The following FTO variants were observed in gnomAD, a reference collection of about 807,000 sequenced individuals.
FTO encodes FTO alpha-ketoglutarate dependent dioxygenase.
FTO carries 47 observed loss-of-function variants against 63.9 expected under a neutral mutation model. The ratio of observed to expected loss-of-function variants is 0.74; its 90% CI spans 0.58 to 0.94. FTO has a LOEUF of 0.94. Among genes scored for constraint, FTO ranks in the 40% least tolerant of loss-of-function variants. The pLI is 0.00. For missense variants in FTO, 562 were observed against 618.1 expected, an observed-to-expected ratio of 0.91 and a Z score of 0.96; for synonymous variants, 207 against 224.4, an observed-to-expected ratio of 0.92 and a Z score of 0.69.
chr16:54,030,434 A>G (rs189554293), intron 8 of FTO, among the ~76,000 whole-genome samples: 2 of 152,340 alleles, frequency 1.3e-5, no homozygotes, highest in Middle Eastern at 3.4e-3. Context: ...GGCAGCCCTT[A>G]TAGCTATATG....
chr16:54,062,874 T>C (rs2085617875), intron 8 of FTO, among the ~76,000 whole-genome samples: 1 of 151,860 alleles, frequency 6.6e-6, no homozygotes, highest in South Asian at 2.1e-4. Flanking sequence ...AAATAGATAG[T>C]CATGAAGGAT....
chr16:53,887,921 G>A (rs2081043524), intron 6 of FTO: 1 of 151,974 alleles, frequency 6.6e-6, no homozygotes, highest in African/African-American at 2.4e-5. Flanking sequence ...CCATGGGTAA[G>A]TTATTTTAAT....
rs538106047 is a variant in FTO, at chr16:54,071,811, C to T, written c.1365-39951C>T. The T allele has an allele frequency of 1.6e-4, 25 of 152,174 alleles. 1 individual carries two copies. The highest frequency in any genetic ancestry group is 5.3e-4 in the African/African-American group (22 of 41,502). The allele number at this position is 152,174 out of a possible 1,614,324, so 9.4% of individuals were successfully genotyped here. ...TGTAAACATGTTTGAGTAGAAGGCC[C>T]ACTGGAGAATTCCACTGCCTAAATG... is the stretch of plus-strand genomic sequence containing the variant. On this transcript the variant is annotated intron_variant, in intron 8 of 8. Transcript: ENST00000471389.
chr16:53,872,150 T>C lies in FTO; in HGVS notation c.896-1636T>C, dbSNP rs1459431362. Among the ~76,000 whole-genome samples, 3 of 152,190 alleles carry C rather than the reference T, an allele frequency of 2.0e-5. No homozygotes were observed. The East Asian group carries it at 5.8e-4, about 29-fold the overall frequency. On this transcript the variant is annotated intron_variant, in intron 4 of 8. Coordinates refer to ENST00000471389, the MANE Select transcript of FTO (RefSeq NM_001080432.3). ...GCTTTCCTAAGGATTTTCTAGTATC[T>C]CATGTAGTGGGAGCCATTTTGGCTG...
At chr16:53,925,069 TA>T (rs763272865) in intron 7 of FTO, among the ~76,000 whole-genome samples, 7,125 of 123,312 alleles carry the variant, frequency 0.058, 326 homozygotes, top group African/African-American at 0.15. Context: ...CTTTTTTTTG[TA>T]AAAAAAAAAA....
intron 7 of FTO, among the ~76,000 whole-genome samples, chr16:53,911,006 G>T (rs1445001235): frequency 6.6e-6 from 1 of 152,250 alleles, no homozygotes; most frequent in South Asian, 2.1e-4. Context: ...GGGCAAATGA[G>T]TTTGAGCAGC....
At chr16:54,077,326 C>A (rs1336905071) in intron 8 of FTO, among the ~76,000 whole-genome samples, 4 of 152,214 alleles carry the variant, frequency 2.6e-5, no homozygotes, top group Middle Eastern at 3.4e-3. Flanking sequence ...CTTTGGGGGC[C>A]CAGTAAACGC....
At chr16:53,783,569 C>T (rs1186048789) in intron 1 of FTO, among the ~76,000 whole-genome samples, 1 of 140,372 alleles carries the variant, frequency 7.1e-6, no homozygotes, top group Non-Finnish European at 1.5e-5. Flanking sequence ...GGTTGCGCCA[C>T]GGCACTCCAG....
At chr16:53,896,766 C>T (rs544967191) in intron 7 of FTO, among the ~76,000 whole-genome samples, 31 of 152,270 alleles carry the variant, frequency 2.0e-4, no homozygotes, top group African/African-American at 7.2e-4. Flanking sequence ...CATCCCTTTC[C>T]TTTCCTAATT....
intron 8 of FTO, among the ~76,000 whole-genome samples, chr16:53,966,558 C>A (rs913796822): frequency 2.0e-5 from 3 of 152,222 alleles, no homozygotes; most frequent in Non-Finnish European, 2.9e-5. Flanking sequence ...TAGAGCAGGT[C>A]TTTCTCTATT....
At chr16:53,860,396 G>A (rs1243667766) in intron 4 of FTO, among the ~76,000 whole-genome samples, 2 of 152,196 alleles carry the variant, frequency 1.3e-5, no homozygotes, top group Non-Finnish European at 2.9e-5. Context: ...CTAATGTACA[G>A]CATAGTAACT....
At position 53,975,199 on chromosome 16, in the gene FTO, T is replaced by A. The variant is rs141481864; in HGVS notation, c.1364+41090T>A. ...AAGAGTCACGTATTTTGGTTTTAAA[T>A]ATTGTAAGTTTTTTTTTTTTTGGTG... On this transcript the variant is annotated intron_variant, in intron 8 of 8. Coordinates refer to ENST00000471389, the MANE Select transcript of FTO (RefSeq NM_001080432.3). 7.5e-4 allele frequency among the ~76,000 whole-genome samples: 114 copies of A among 151,358 alleles called. 1 individual carries two copies. The East Asian group carries it at 0.017, about 23-fold the overall frequency.
chr16:53,979,912 C>T (rs1409454906), intron 8 of FTO, among the ~76,000 whole-genome samples: 1 of 152,180 alleles, frequency 6.6e-6, no homozygotes, highest in Non-Finnish European at 1.5e-5. Context: ...TCTGGAAGCT[C>T]ATTTGCTTCC....
At chr16:53,758,652 T>C (rs1476326567) in intron 1 of FTO, among the ~76,000 whole-genome samples, 1 of 152,160 alleles carries the variant, frequency 6.6e-6, no homozygotes, top group African/African-American at 2.4e-5. Flanking sequence ...TGGGCAAAGA[T>C]CATTGAACAT....
chr16:53,734,850 G>T (rs2076354248), intron 1 of FTO, among the ~76,000 whole-genome samples: 1 of 152,232 alleles, frequency 6.6e-6, no homozygotes, highest in Admixed American at 6.5e-5. Flanking sequence ...ATAAAAGAGA[G>T]TTTTTATATT....
chr16:53,972,565 A>G (rs2083348933), intron 8 of FTO, among the ~76,000 whole-genome samples: 1 of 152,196 alleles, frequency 6.6e-6, no homozygotes, highest in African/African-American at 2.4e-5. Flanking sequence ...TGTGACTCTC[A>G]GCTTCTTCAT....
In FTO at chr16:53,778,882, T is replaced by C. The variant is rs2077523492; in HGVS notation, c.46-31258T>C. ...GATTTTTTTTTTTTTTTTGAATTGT[T>C]GTTTCTGTTAGAAAAATAATGAATG... On this transcript the variant is annotated intron_variant, in intron 1 of 8. Transcript: ENST00000471389. Among the ~76,000 whole-genome samples, 4 of 152,012 alleles carry C rather than the reference T, an allele frequency of 2.6e-5. No homozygotes were observed. The South Asian group carries it at 8.3e-4, about 32-fold the overall frequency.
intron 8 of FTO, among the ~76,000 whole-genome samples, chr16:54,089,210 A>G (rs1355074236): frequency 6.6e-6 from 1 of 152,194 alleles, no homozygotes; most frequent in East Asian, 1.9e-4. Flanking sequence ...AGAGAATGGA[A>G]ACTTCCAATC....
chr16:53,795,659 A>G (rs1484830419), intron 1 of FTO, among the ~76,000 whole-genome samples: 1 of 152,230 alleles, frequency 6.6e-6, no homozygotes, highest in Non-Finnish European at 1.5e-5. Context: ...TATTTAAAGA[A>G]TGATGAGTTT....
Sources: gnomAD v4.1 joint callset for allele counts (sites outside exome capture counted in the v4.1 genomes callset) on GRCh38, gnomAD v4.1.1 for gene constraint, MANE v1.5 for transcripts, NCBI Gene and HGNC (gene_info 2026-07-23, HGNC 2026-07-21) for gene names.